MYO5C: variants seen among roughly 807,000 people sequenced by gnomAD.
MYO5C encodes unconventional myosin-Vc.
A neutral mutation model predicts 235.7 loss-of-function variants in MYO5C; 194 were observed. That is an observed-to-expected ratio of 0.82 (90% CI 0.73 to 0.93). MYO5C has a LOEUF of 0.93. Ranked by LOEUF, MYO5C falls within the 40% of genes least tolerant of loss-of-function variation. MYO5C has a pLI of 0.00. For synonymous variants in MYO5C, 707 were observed against 754.8 expected (o/e 0.94, Z 1.04); for missense variants, 2,038 against 2,127.2 (o/e 0.96, Z 0.82).
intron 22 of MYO5C, among the ~76,000 whole-genome samples, chr15:52,236,282 C>T (rs958007510): frequency 2.0e-5 from 3 of 152,220 alleles, no homozygotes; most frequent in South Asian, 4.1e-4. Context: ...GCGATGCCCA[C>T]GGCAGCAGTG....
Position 52,269,836 on chromosome 15 carries a change from G to A in MYO5C, c.857C>T (p.Thr286Ile). The change falls in exon 8 of 41, where the codon ACA (threonine) becomes ATA (isoleucine). Residue 286 changes from threonine to isoleucine, a missense_variant. Coordinates refer to ENST00000261839, the MANE Select transcript of MYO5C (RefSeq NM_018728.4). The stretch of plus-strand genomic sequence containing the variant: ...AATGACAGTATTGCCTCCCATTCTT[G>A]TATAATTAAATTCTTCGGCACTCCC... ...KLGSAEEFNY[T>I]RMGGNTVIEG... The A allele has an allele frequency of 6.2e-7, 1 of 1,613,058 alleles. No homozygotes were observed. Among genetic ancestry groups the A allele is most frequent in the South Asian group, 1.1e-5 (1 of 91,044 alleles).
chr15:52,255,638 G>A (rs532301519), intron 11 of MYO5C, among the ~76,000 whole-genome samples: 20 of 152,308 alleles, frequency 1.3e-4, no homozygotes, highest in African/African-American at 4.6e-4. Flanking sequence ...GCAGAAAGGC[G>A]TCAGTACTGT....
At chr15:52,276,410 C>T (rs1423435551) in intron 4 of MYO5C, among the ~76,000 whole-genome samples, 1 of 152,216 alleles carries the variant, frequency 6.6e-6, no homozygotes, top group East Asian at 1.9e-4. Flanking sequence ...TTTGACAGCA[C>T]ATGTGAAATG....
chr15:52,279,379 T>C (rs2037117542), intron 3 of MYO5C, 130 bp downstream of exon 3: 2 of 900,168 alleles, frequency 2.2e-6, no homozygotes, highest in Admixed American at 2.9e-5. Context: ...TTGAAGATTC[T>C]CCCCACCCAG....
At chr15:52,216,301 A>G (rs866018237) in intron 32 of MYO5C, among the ~76,000 whole-genome samples, 9 of 152,096 alleles carry the variant, frequency 5.9e-5, no homozygotes, top group Non-Finnish European at 1.2e-4. Flanking sequence ...TGCAGCCTCA[A>G]TCTCCTGGGC....
At position 52,279,509 on chromosome 15, in the gene MYO5C, C is replaced by G; in HGVS notation, c.304G>C (p.Gly102Arg). ...AESKLIYTYSGIILVAMNPYK... is the reference protein window; with the variant it reads ...AESKLIYTYSRIILVAMNPYK... ...TACTTCCTAGAATTGCTCTCCTTAC[C>G]ACTGTAGGTGTAAATGAGTTTGGAT... Residue 102 changes from glycine (G) to arginine (R), a missense_variant and splice_region_variant, in exon 3 of 41, where the codon GGA (glycine) becomes CGA (arginine). Gly to Arg is a moderately radical substitution (Grantham distance 125). Coordinates refer to ENST00000261839, the MANE Select transcript of MYO5C (RefSeq NM_018728.4). The G allele has an allele frequency of 6.2e-7, 1 of 1,610,954 alleles. No individual in the cohort carries two copies. The highest frequency in any genetic ancestry group is 1.1e-5 in the South Asian group (1 of 90,972).
intron 21 of MYO5C, among the ~76,000 whole-genome samples, chr15:52,239,171 G>A (rs1021674852): frequency 7.3e-5 from 11 of 151,640 alleles, no homozygotes; most frequent in Non-Finnish European, 1.6e-4. Flanking sequence ...CGCTGGTCTC[G>A]AAGTCCCAAC....
intron 5 of MYO5C, 78 bp downstream of exon 5, chr15:52,275,484 T>C (rs1314288902): frequency 5.1e-6 from 8 of 1,560,940 alleles, no homozygotes; most frequent in Non-Finnish European, 6.2e-6. Flanking sequence ...GGAACTTGAA[T>C]TAGCCAGGAG....
chr15:52,216,053 G>A (rs2035543710), intron 32 of MYO5C, among the ~76,000 whole-genome samples: 2 of 152,110 alleles, frequency 1.3e-5, no homozygotes, highest in Non-Finnish European at 2.9e-5. Flanking sequence ...TTGTGTTACT[G>A]AGTCAAAGGG....
chr15:52,201,617 A>G (rs1050704058), intron 38 of MYO5C, among the ~76,000 whole-genome samples: 6 of 152,232 alleles, frequency 3.9e-5, no homozygotes, highest in Non-Finnish European at 8.8e-5. Flanking sequence ...AACAACAGAA[A>G]TGGTAAATAC....
chr15:52,258,363 T>C lies in MYO5C; in HGVS notation c.1314-1643A>G, dbSNP rs74015649. 5.6e-3 allele frequency among the ~76,000 whole-genome samples: 855 copies of C among 152,308 alleles called. 8 individuals are homozygous for C. The highest frequency in any genetic ancestry group is 0.02 in the African/African-American group (818 of 41,556). On this transcript the variant is annotated intron_variant, in intron 10 of 40. Transcript: ENST00000261839. ...AAGGCTTGGAGAGGTTCTGTGACTT[T>C]CTTGAGGTCACGTAACTGGTATGCT...
chr15:52,221,670 G>C (rs928999664), intron 29 of MYO5C, among the ~76,000 whole-genome samples: 3 of 152,298 alleles, frequency 2.0e-5, no homozygotes, highest in African/African-American at 7.2e-5. Flanking sequence ...GCACTGCTCT[G>C]TTAGTGGAGG....
At chr15:52,272,261 A>C (rs1325134392) in intron 6 of MYO5C, among the ~76,000 whole-genome samples, 1 of 152,238 alleles carries the variant, frequency 6.6e-6, no homozygotes, top group East Asian at 1.9e-4. Flanking sequence ...TAGGAAAGCC[A>C]GTCTGTCAGC....
chr15:52,207,609 A>G lies in MYO5C; in HGVS notation c.4386+945T>C, dbSNP rs553504300. The stretch of plus-strand genomic sequence containing the variant: ...ATGAACTACAAAAGTTTAGAAGAGG[A>G]TCTTCATGATCTCAGGGCAGGGAAG... On this transcript the variant is annotated intron_variant, in intron 36 of 40. Coordinates refer to ENST00000261839, the MANE Select transcript of MYO5C (RefSeq NM_018728.4). 1.1e-4 allele frequency among the ~76,000 whole-genome samples: 16 copies of G among 152,358 alleles called. No individual in the cohort carries two copies. In the South Asian group the frequency reaches 3.1e-3, roughly 30 times the overall value.
In MYO5C at chr15:52,221,198, CA is replaced by C. The variant is rs773229618; in HGVS notation, c.3684del (p.Glu1229LysfsTer4). 6.2e-7 allele frequency: 1 copy of C among 1,613,210 alleles called. No homozygotes were observed. The highest frequency in any genetic ancestry group is 1.1e-5 in the South Asian group (1 of 90,890). ...TCAGCTTGTTCATTCAGGCGGATTT[CA>C]AGATCTTGCTTCTGTTTCTCCAATT... The part of the protein sequence containing the change: ...ISELEKQKQD[L>X]EIRLNEQAEK... On this transcript the variant is annotated frameshift_variant, in exon 30 of 41. Coordinates refer to ENST00000261839, the MANE Select transcript of MYO5C (RefSeq NM_018728.4). LOFTEE classifies it high-confidence loss of function.
chr15:52,256,280 G>A (rs2036575454), intron 11 of MYO5C, among the ~76,000 whole-genome samples: 1 of 152,118 alleles, frequency 6.6e-6, no homozygotes, highest in Non-Finnish European at 1.5e-5. Flanking sequence ...AATAACAGGA[G>A]CACGTGGGTT....
intron 9 of MYO5C, among the ~76,000 whole-genome samples, chr15:52,263,077 C>A (rs1279822162): frequency 6.6e-6 from 1 of 152,138 alleles, no homozygotes; most frequent in Non-Finnish European, 1.5e-5. Flanking sequence ...CCAGAACCGA[C>A]CAGGCTGACA....
intron 29 of MYO5C, among the ~76,000 whole-genome samples, chr15:52,222,283 A>C (rs1273107188): frequency 6.6e-6 from 1 of 152,238 alleles, no homozygotes; most frequent in Non-Finnish European, 1.5e-5. Context: ...TCCTCATTAA[A>C]GTTTCATCCA....
intron 10 of MYO5C, among the ~76,000 whole-genome samples, chr15:52,257,109 G>C (rs185158517): frequency 6.0e-4 from 92 of 152,364 alleles, no homozygotes; most frequent in African/African-American, 2.1e-3. Flanking sequence ...TAGCTGCGAA[G>C]CTGCCTGACT....
Sources: gnomAD v4.1 joint callset for allele counts (sites outside exome capture counted in the v4.1 genomes callset) on GRCh38, gnomAD v4.1.1 for gene constraint, MANE v1.5 for transcripts, NCBI Gene and HGNC (gene_info 2026-07-23, HGNC 2026-07-21) for gene names.